Variants in RC3H1 observed in about 807,000 individuals in gnomAD.
RC3H1 encodes the protein ring finger and CCCH-type domains 1.
In RC3H1, 50 loss-of-function variants were observed where a neutral mutation model predicts 138.2. The observed-to-expected ratio is 0.36, with a 90% CI of 0.29 to 0.46. The LOEUF (loss-of-function observed/expected upper bound fraction) is 0.46, where lower values mean the gene tolerates loss of function less well. RC3H1 is among the 20% of genes least tolerant of loss of function. RC3H1 has a pLI of 1.00. For missense variants in RC3H1, 1,031 were observed against 1,388.1 expected, an observed-to-expected ratio of 0.74 and a Z score of 4.09; for synonymous variants, 462 against 489.1, an observed-to-expected ratio of 0.94 and a Z score of 0.73.
intron 18 of RC3H1, among the ~76,000 whole-genome samples, chr1:173,942,428 C>CAAAAAAAAAAAAAAAAAAAAAAAA (rs60694243): frequency 4.2e-4 from 16 of 38,080 alleles, no homozygotes; most frequent in African/African-American, 2.3e-3. Context: ...GACTCAGTCT[C>CAAAAAAAAAAAAAAAAAAAAAAAA]AAAAAAAAAA....
chr1:173,939,024 G>T, intron 19 of RC3H1, 153 bp from the exon 20 acceptor site: 3 of 559,426 alleles, frequency 5.4e-6, no homozygotes, highest in South Asian at 8.4e-5. Context: ...GCACACAGTT[G>T]GCAAACTAAA....
intron 7 of RC3H1, among the ~76,000 whole-genome samples, chr1:173,976,653 G>A (rs1407953951): frequency 2.6e-5 from 4 of 151,992 alleles, no homozygotes; most frequent in Non-Finnish European, 4.4e-5. Flanking sequence ...TGAGAAATGG[G>A]GTCAAAAATG....
At position 173,932,332 on chromosome 1, in the gene RC3H1, T is replaced by A. The variant is rs1372826056; in HGVS notation, c.*6389A>T. 2 of 151,810 alleles carry A rather than the reference T, an allele frequency of 1.3e-5. No individual in the cohort carries two copies. The highest frequency in any genetic ancestry group is 2.9e-5 in the Non-Finnish European group (2 of 67,896). The allele number at this position is 151,810 out of a possible 1,614,324, so 9.4% of individuals were successfully genotyped here. ...ACTGATATGAGCCTAAAGACCAAATTACCATAGTCAGAGAAAAAGGGCAGA... is the reference window on the plus strand; with the variant it reads ...ACTGATATGAGCCTAAAGACCAAATAACCATAGTCAGAGAAAAAGGGCAGA... On this transcript the variant is annotated 3_prime_UTR_variant, in exon 20 of 20. Transcript: ENST00000367696.
intron 18 of RC3H1, among the ~76,000 whole-genome samples, chr1:173,942,275 A>G (rs1658907863): frequency 6.7e-6 from 1 of 150,318 alleles, no homozygotes; most frequent in Non-Finnish European, 1.5e-5. Context: ...ATAAAATACA[A>G]AACAAAAACT....
chr1:173,945,879 T>C (rs1659112937), intron 17 of RC3H1, among the ~76,000 whole-genome samples: 1 of 152,110 alleles, frequency 6.6e-6, no homozygotes, highest in Admixed American at 6.5e-5. Context: ...GGCTAATTTT[T>C]TGTATTTTTA....
chr1:173,996,852 T>G (rs1260414428), intron 1 of RC3H1, among the ~76,000 whole-genome samples: 1 of 152,204 alleles, frequency 6.6e-6, no homozygotes, highest in South Asian at 2.1e-4. Flanking sequence ...GTAATAAAAC[T>G]TCCATTGATC....
chr1:173,962,231 TATATAATC>T, intron 11 of RC3H1, 136 bp from the exon 12 acceptor site: 1 of 895,558 alleles, frequency 1.1e-6, no homozygotes, highest in Non-Finnish European at 1.7e-6. Context: ...TCCATCTGCT[TATATAATC>T]AGGTTAGCTT....
Position 174,009,260 on chromosome 1 carries a change from G to C in RC3H1, c.-151+12836C>G, listed in dbSNP as rs1239520402. The C allele has an allele frequency of 4.6e-5, 7 of 152,282 alleles. No homozygotes were observed. In the East Asian group the frequency reaches 1.4e-3, roughly 29 times the overall value. 9.4% of individuals were successfully genotyped at this position (152,282 alleles called of 1,614,324 possible). On this transcript the variant is annotated intron_variant, in intron 1 of 19. Coordinates refer to ENST00000367696, the MANE Select transcript of RC3H1 (RefSeq NM_172071.4). ...TGGTAAAAACAGGGACCCTGGTTAAGAACATAGTTTGTCCTACTCTTCCTC... is the reference window on the plus strand; with the variant it reads ...TGGTAAAAACAGGGACCCTGGTTAACAACATAGTTTGTCCTACTCTTCCTC...
intron 7 of RC3H1, among the ~76,000 whole-genome samples, chr1:173,973,082 A>T (rs1660433940): frequency 6.6e-6 from 1 of 152,222 alleles, no homozygotes; most frequent in African/African-American, 2.4e-5. Flanking sequence ...TTTTTAAGTA[A>T]AAATTTCCCA....
intron 7 of RC3H1, among the ~76,000 whole-genome samples, chr1:173,976,615 CAA>C (rs1660598761): frequency 6.6e-6 from 1 of 151,616 alleles, no homozygotes; most frequent in Admixed American, 6.6e-5. Context: ...AAGAGTGTGC[CAA>C]AAAAAGAAAT....
Position 173,935,837 on chromosome 1 carries a change from T to C in RC3H1, c.*2884A>G, listed in dbSNP as rs1405004020. The C allele has an allele frequency of 6.6e-6, 1 of 152,206 alleles. No individual in the cohort carries two copies. 9.4% of individuals were successfully genotyped at this position (152,206 alleles called of 1,614,324 possible). A position where few individuals can be genotyped will look rare whatever the true frequency, so the allele number is the denominator to read the frequency against. ...GGTGGAATGACCAATTTAAAATACA[T>C]TATAGGCACAATGGGACAATATACC... is the stretch of plus-strand genomic sequence containing the variant. On this transcript the variant is annotated 3_prime_UTR_variant, in exon 20 of 20. Coordinates refer to ENST00000367696, the MANE Select transcript of RC3H1 (RefSeq NM_172071.4).
intron 13 of RC3H1, among the ~76,000 whole-genome samples, chr1:173,956,036 C>T (rs1659629444): frequency 6.7e-6 from 1 of 148,266 alleles, no homozygotes; most frequent in African/African-American, 2.5e-5. Flanking sequence ...GAGGCTGAAG[C>T]AGGAGAATCA....
intron 2 of RC3H1, among the ~76,000 whole-genome samples, chr1:173,988,116 T>C (rs927494930): frequency 1.3e-5 from 2 of 152,172 alleles, no homozygotes; most frequent in Non-Finnish European, 2.9e-5. Context: ...TTGTCTTCCA[T>C]AATCTTTGTA....
intron 1 of RC3H1, among the ~76,000 whole-genome samples, chr1:174,002,113 T>C (rs1410629576): frequency 6.6e-6 from 1 of 152,202 alleles, no homozygotes; most frequent in Non-Finnish European, 1.5e-5. Flanking sequence ...GCTTCTTTTC[T>C]AAATCAGAAA....
At chr1:173,963,299 C>T (rs553798499) in intron 11 of RC3H1, among the ~76,000 whole-genome samples, 1 of 152,086 alleles carries the variant, frequency 6.6e-6, no homozygotes, top group Non-Finnish European at 1.5e-5. Flanking sequence ...ATTCCAAATA[C>T]CTCTAGGGCA....
At chr1:174,008,608 C>T (rs1170744842) in intron 1 of RC3H1, among the ~76,000 whole-genome samples, 4 of 152,192 alleles carry the variant, frequency 2.6e-5, no homozygotes, top group Non-Finnish European at 5.9e-5. Flanking sequence ...CCTATAGCCA[C>T]AATGTATCTT....
chr1:173,951,066 T>C (rs929832298), intron 14 of RC3H1, among the ~76,000 whole-genome samples: 1 of 152,144 alleles, frequency 6.6e-6, no homozygotes, highest in Admixed American at 6.6e-5. Context: ...GGCTCACGCC[T>C]GTAATCCCAG....
intron 13 of RC3H1, among the ~76,000 whole-genome samples, chr1:173,960,102 C>T (rs193010301): frequency 7.6e-5 from 8 of 105,134 alleles, no homozygotes; most frequent in East Asian, 2.9e-4. Flanking sequence ...AATGAGACTC[C>T]GACTCAAAAA....
chr1:173,980,760 C>T (rs2103004502), intron 6 of RC3H1, 49 bp downstream of exon 6: 1 of 1,428,132 alleles, frequency 7.0e-7, no homozygotes, highest in Non-Finnish European at 9.8e-7. Context: ...AAATGAATTA[C>T]CAAAATGCCA....
Sources: allele counts gnomAD v4.1 joint callset (sites outside exome capture counted in the v4.1 genomes callset), GRCh38; gene constraint gnomAD v4.1.1; transcripts MANE v1.5; gene names NCBI Gene and HGNC (gene_info 2026-07-23, HGNC 2026-07-21).